Variants in SUFU observed in about 807,000 individuals in gnomAD.
SUFU encodes SUFU negative regulator of hedgehog signaling.
SUFU carries 7 observed loss-of-function variants against 58.9 expected under a neutral mutation model. That is an observed-to-expected ratio of 0.12 (90% CI 0.07 to 0.22). SUFU has a LOEUF of 0.22. SUFU is among the 10% of genes least tolerant of loss of function. The pLI is 1.00. For missense variants in SUFU, 451 were observed against 641.3 expected (o/e 0.70, Z 3.20); for synonymous variants, 232 against 254.8 (o/e 0.91, Z 0.85).
chr10:102,596,649 AG>A (rs1208680671), intron 6 of SUFU, among the ~76,000 whole-genome samples: 2 of 152,212 alleles, frequency 1.3e-5, no homozygotes, highest in Non-Finnish European at 2.9e-5. Context: ...AGCTGTTAGA[AG>A]GGGAAACTGC....
intron 2 of SUFU, among the ~76,000 whole-genome samples, chr10:102,544,261 A>G (rs1010229389): frequency 1.3e-5 from 2 of 152,250 alleles, no homozygotes; most frequent in Admixed American, 6.5e-5. Context: ...GAGTTAAACG[A>G]TATGACATCA....
intron 1 of SUFU, among the ~76,000 whole-genome samples, 155 bp downstream of exon 1, chr10:102,504,489 C>T (rs2062297348): frequency 6.6e-6 from 1 of 151,714 alleles, no homozygotes; most frequent in South Asian, 2.1e-4. Context: ...AGTTAAGGCT[C>T]AAGTTGGGAA....
chr10:102,624,459 G>A (rs997823448), intron 10 of SUFU, among the ~76,000 whole-genome samples: 22 of 152,342 alleles, frequency 1.4e-4, no homozygotes, highest in African/African-American at 5.1e-4. Flanking sequence ...ACAGTCTGTC[G>A]TGTTTCTTTG....
chr10:102,558,025 G>A lies in SUFU; in HGVS notation c.454+7919G>A, dbSNP rs1027134200. 2.6e-5 allele frequency among the ~76,000 whole-genome samples: 4 copies of A among 151,024 alleles called. No homozygotes were observed. The East Asian group carries it at 7.7e-4, about 29-fold the overall frequency. On this transcript the variant is annotated intron_variant, in intron 3 of 11. Coordinates refer to ENST00000369902, the MANE Select transcript of SUFU (RefSeq NM_016169.4). ...AGCAGTTCTCCTTCCTCAGCCTCCC[G>A]AGTAGCTGGGACCATAGGCATGCAC...
chr10:102,600,494 C>T (rs148590727), intron 8 of SUFU, among the ~76,000 whole-genome samples: 23 of 152,220 alleles, frequency 1.5e-4, no homozygotes, highest in African/African-American at 5.3e-4. Flanking sequence ...ATCTGGCTGT[C>T]GATGTGATTT....
intron 4 of SUFU, among the ~76,000 whole-genome samples, chr10:102,593,066 G>A (rs1003418431): frequency 1.3e-5 from 2 of 152,188 alleles, no homozygotes; most frequent in African/African-American, 4.8e-5. Flanking sequence ...CTCTTTGCCA[G>A]AAGCTGTGGG....
Position 102,630,523 on chromosome 10 carries a change from G to T in SUFU, c.*368G>T, listed in dbSNP as rs919053441. 1.6e-5 allele frequency: 7 copies of T among 425,062 alleles called. No individual in the cohort carries two copies. Among genetic ancestry groups the T allele is most frequent in the Non-Finnish European group, 2.7e-5 (6 of 226,160 alleles). The allele number at this position is 425,062 out of a possible 1,614,324, so 26.3% of individuals were successfully genotyped here. A position where few individuals can be genotyped will look rare whatever the true frequency, so the allele number is the denominator to read the frequency against. Reference sequence around the variant, plus strand: ...CACCTACCCCCTGCCGCACAGCCCAGCAGGAGGGAGGCGGACAGCCAGATG... The same window carrying T: ...CACCTACCCCCTGCCGCACAGCCCATCAGGAGGGAGGCGGACAGCCAGATG... On this transcript the variant is annotated 3_prime_UTR_variant, in exon 12 of 12. Transcript: ENST00000369902.
rs778753613 is a variant in SUFU, at chr10:102,601,825, A to C, written c.1022+2281A>C. Among the ~76,000 whole-genome samples, 35 of 152,310 alleles carry C rather than the reference A, an allele frequency of 2.3e-4. No individual in the cohort carries two copies. The Middle Eastern group carries it at 0.01, about 44-fold the overall frequency. On this transcript the variant is annotated intron_variant, in intron 8 of 11. Coordinates refer to ENST00000369902, the MANE Select transcript of SUFU (RefSeq NM_016169.4). The stretch of plus-strand genomic sequence containing the variant: ...GAAAGCTGACCCAAAATGTGCTGGC[A>C]CCAGTGTTTGCTCCTCTCCCTGTTG...
chr10:102,631,528 C>T lies in SUFU; in HGVS notation c.*1373C>T, dbSNP rs17114808. 35,619 of 233,332 alleles carry T rather than the reference C, an allele frequency of 0.15. 3,987 individuals carry two copies. Among genetic ancestry groups the T allele is most frequent in the East Asian group, 0.45 (7,517 of 16,570 alleles). The allele number at this position is 233,332 out of a possible 1,614,324, so 14.5% of individuals were successfully genotyped here. A position where few individuals can be genotyped will look rare whatever the true frequency, so the allele number is the denominator to read the frequency against. ...CCCAACTCTAGGGATGGGACTGTTA[C>T]AATACTTCAAGATCACTCTTTACAC... On this transcript the variant is annotated 3_prime_UTR_variant, in exon 12 of 12. Transcript: ENST00000369902.
Position 102,629,980 on chromosome 10 carries a change from G to A in SUFU, c.1366-86G>A, listed in dbSNP as rs984949723. Reference sequence around the variant, plus strand: ...GGCCTGTCCTATCCCTAGCTCCCCGGGGACAGGCCTGGGCAATCTCTGGAA... The same window carrying A: ...GGCCTGTCCTATCCCTAGCTCCCCGAGGACAGGCCTGGGCAATCTCTGGAA... On this transcript the variant is annotated intron_variant, in intron 11 of 11. Coordinates refer to ENST00000369902, the MANE Select transcript of SUFU (RefSeq NM_016169.4). This position sits in a 1 kb window ranked among gnomAD's most constrained non-coding sequence, Gnocchi z 4.7. The A allele has an allele frequency of 1.1e-5, 14 of 1,269,206 alleles. No homozygotes were observed. Among genetic ancestry groups the A allele is most frequent in the Admixed American group, 6.7e-5 (4 of 59,546 alleles). 78.6% of individuals were successfully genotyped at this position (1,269,206 alleles called of 1,614,324 possible).
chr10:102,562,823 G>A (rs557784019), intron 3 of SUFU, among the ~76,000 whole-genome samples: 18 of 151,930 alleles, frequency 1.2e-4, no homozygotes, highest in Admixed American at 2.6e-4. Flanking sequence ...CCTAGGAGGC[G>A]GAGGTTGCAG....
At chr10:102,607,825 C>T (rs57066328) in intron 8 of SUFU, among the ~76,000 whole-genome samples, 1,626 of 152,014 alleles carry the variant, frequency 0.011, 4 homozygotes, top group East Asian at 0.029. Flanking sequence ...GCAGGAGAAT[C>T]GCTTGAACCC....
At chr10:102,627,039 T>C in intron 10 of SUFU, 136 bp from the exon 11 acceptor site, 1 of 940,116 alleles carries the variant, frequency 1.1e-6, no homozygotes, top group Non-Finnish European at 1.7e-6. Context: ...CCTCAAACAC[T>C]TCCCTGTGTC....
At position 102,542,441 on chromosome 10, in the gene SUFU, TA is replaced by T. The variant is rs1267673021; in HGVS notation, c.318-7528del. Among the ~76,000 whole-genome samples, 241 of 147,102 alleles carry T rather than the reference TA, an allele frequency of 1.6e-3. 2 individuals are homozygous for T. Among genetic ancestry groups the T allele is most frequent in the African/African-American group, 4.9e-3 (190 of 38,514 alleles). On this transcript the variant is annotated intron_variant, in intron 2 of 11. Coordinates refer to ENST00000369902, the MANE Select transcript of SUFU (RefSeq NM_016169.4). The stretch of plus-strand genomic sequence containing the variant: ...CCACTGCGCCCGGCCTATATATATA[TA>T]TATTTTTTTTTAAGTAGAGATGGGG...
rs1262195700 is a variant in SUFU, at chr10:102,528,964, T to TC, written c.317+19661_317+19662insC. Among the ~76,000 whole-genome samples the TC allele has an allele frequency of 2.5e-4, 37 of 145,382 alleles. 1 individual carries two copies. The highest frequency in any genetic ancestry group is 9.0e-5 in the Non-Finnish European group (6 of 66,558). ...GCTGATGTGGCTTTTTTCCTTTCTT[T>TC]TTTTTTTTTTTTTTAAGATTATATA... On this transcript the variant is annotated intron_variant, in intron 2 of 11. Coordinates refer to ENST00000369902, the MANE Select transcript of SUFU (RefSeq NM_016169.4).
intron 2 of SUFU, among the ~76,000 whole-genome samples, chr10:102,526,993 G>GTTTTTTTTTT (rs34862176): frequency 9.8e-6 from 1 of 102,046 alleles, no homozygotes; most frequent in Non-Finnish European, 1.9e-5. Context: ...TATTATTATT[G>GTTTTTTTTTT]TTTTTTTTTT....
intron 2 of SUFU, among the ~76,000 whole-genome samples, chr10:102,545,238 C>G (rs2062842270): frequency 6.6e-6 from 1 of 151,840 alleles, no homozygotes; most frequent in African/African-American, 2.4e-5. Flanking sequence ...TCAGCACCCC[C>G]ACCCTGGGTA....
intron 3 of SUFU, among the ~76,000 whole-genome samples, chr10:102,563,547 G>A (rs548870486): frequency 2.6e-5 from 4 of 152,034 alleles, no homozygotes; most frequent in Non-Finnish European, 5.9e-5. Flanking sequence ...TGGCTTATAC[G>A]TGTACTCCCA....
rs576226060 is a variant in SUFU, at chr10:102,603,497, G to A, written c.1022+3953G>A. 3.3e-5 allele frequency among the ~76,000 whole-genome samples: 5 copies of A among 152,280 alleles called. No homozygotes were observed. The South Asian group carries it at 1.0e-3, about 32-fold the overall frequency. ...GGCACATGCAGGTGTGCACACTTAT[G>A]TTAGAGGGGAAAAGTTCCTGACTAT... On this transcript the variant is annotated intron_variant, in intron 8 of 11. Coordinates refer to ENST00000369902, the MANE Select transcript of SUFU (RefSeq NM_016169.4).
Sources: gnomAD v4.1 joint callset for allele counts (sites outside exome capture counted in the v4.1 genomes callset) on GRCh38, gnomAD v4.1.1 for gene constraint, Gnocchi (gnomAD v3.1) non-coding constraint, MANE v1.5 for transcripts, NCBI Gene and HGNC (gene_info 2026-07-23, HGNC 2026-07-21) for gene names.